The following TEX9 variants were observed in gnomAD, a reference collection of about 807,000 sequenced individuals.
TEX9 encodes the protein testis expressed 9.
TEX9 carries 74 observed loss-of-function variants against 59.6 expected under a neutral mutation model. The observed-to-expected ratio is 1.24, with a 90% CI of 1.03 to 1.51. TEX9 has a LOEUF of 1.51. Among genes scored for constraint, TEX9 ranks in the 40% most tolerant of loss-of-function variants. TEX9 has a pLI of 0.00. For synonymous variants in TEX9, 186 were observed against 152.2 expected, an observed-to-expected ratio of 1.22 and a Z score of -1.64; for missense variants, 522 against 447.8, an observed-to-expected ratio of 1.17 and a Z score of -1.49.
chr15:56,337,077 T>C (rs1170253665), intron 1 of TEX9, among the ~76,000 whole-genome samples: 1 of 152,198 alleles, frequency 6.6e-6, no homozygotes, highest in Non-Finnish European at 1.5e-5. Flanking sequence ...GGAGATAACT[T>C]ACCCTGGATT....
At chr15:56,454,256 G>T in the TEX9 span, among the ~76,000 whole-genome samples, 4 of 151,988 alleles carry the variant, frequency 2.6e-5, no homozygotes. Flanking sequence ...ATATTTATGG[G>T]GTACATGAGA....
exon 7 of TEX9, chr15:56,391,303 C>T: frequency 6.3e-7 from 1 of 1,597,246 alleles, no homozygotes; most frequent in Non-Finnish European, 8.5e-7. Context: ...CAGAGGATTT[C>T]TCAGACTTTT....
Position 56,430,161 on chromosome 15 carries a change from G to A in TEX9, c.*29+1688G>A, listed in dbSNP as rs755441515. 2.6e-5 allele frequency: 4 copies of A among 152,066 alleles called. No individual in the cohort carries two copies. The highest frequency in any genetic ancestry group is 1.9e-4 in the East Asian group (1 of 5,186). The allele number at this position is 152,066 out of a possible 1,614,324, so 9.4% of individuals were successfully genotyped here. A position where few individuals can be genotyped will look rare whatever the true frequency, so the allele number is the denominator to read the frequency against. On this transcript the variant is annotated intron_variant, in intron 12 of 12. Transcript: ENST00000352903. ...GGCATTTCTATAGCTGAAAGATGGCGATCTTATTTATATGAGTCTAGATGT... is the reference window on the plus strand; with the variant it reads ...GGCATTTCTATAGCTGAAAGATGGCAATCTTATTTATATGAGTCTAGATGT...
chr15:56,321,448 TC>T (rs2045900905), intron 1 of TEX9, among the ~76,000 whole-genome samples: 1 of 152,178 alleles, frequency 6.6e-6, no homozygotes, highest in African/African-American at 2.4e-5. Context: ...CTTCAGCAAT[TC>T]AACAACAGTT....
At chr15:56,375,732 A>G (rs1239431424) in intron 3 of TEX9, among the ~76,000 whole-genome samples, 3 of 152,150 alleles carry the variant, frequency 2.0e-5, no homozygotes, top group Non-Finnish European at 4.4e-5. Flanking sequence ...CTTATACCCA[A>G]AGGACTATAA....
At chr15:56,355,000 T>TAAAA (rs1368304605) in intron 1 of TEX9, among the ~76,000 whole-genome samples, 20 of 152,192 alleles carry the variant, frequency 1.3e-4, no homozygotes, top group Middle Eastern at 3.2e-3. Flanking sequence ...TTTACCTATT[T>TAAAA]TAAGTGTATA....
chr15:56,290,248 A>G (rs2045056981), intron 1 of TEX9, among the ~76,000 whole-genome samples: 1 of 152,098 alleles, frequency 6.6e-6, no homozygotes, highest in African/African-American at 2.4e-5. Flanking sequence ...TCATGCACTC[A>G]CATCTCTCTC....
At chr15:56,316,202 G>A (rs1424801343) in intron 1 of TEX9, among the ~76,000 whole-genome samples, 12 of 148,898 alleles carry the variant, frequency 8.1e-5, no homozygotes, top group South Asian at 2.2e-4. Flanking sequence ...AAGGAACTGC[G>A]TTCCTTTGGA....
At chr15:56,270,752 C>T (rs1159168817) in intron 1 of TEX9, among the ~76,000 whole-genome samples, 7 of 152,122 alleles carry the variant, frequency 4.6e-5, no homozygotes, top group East Asian at 1.9e-4. Context: ...CAATTTGGCA[C>T]GTTTTTGCAG....
At chr15:56,271,503 T>G (rs1000575334) in intron 1 of TEX9, among the ~76,000 whole-genome samples, 3 of 152,182 alleles carry the variant, frequency 2.0e-5, no homozygotes, top group Non-Finnish European at 4.4e-5. Context: ...TTCATCATGT[T>G]GGTCAGGCTG....
At chr15:56,316,191 T>C (rs1481752282) in intron 1 of TEX9, among the ~76,000 whole-genome samples, 1 of 145,386 alleles carries the variant, frequency 6.9e-6, no homozygotes, top group African/African-American at 2.5e-5. Flanking sequence ...CCGTTGCTGG[T>C]AAGGAACTGC....
rs1282320024 is a variant in TEX9, at chr15:56,412,293, A to C, written c.829-9A>C. 1.9e-6 allele frequency: 3 copies of C among 1,586,798 alleles called. No individual in the cohort carries two copies. The highest frequency in any genetic ancestry group is 2.6e-6 in the Non-Finnish European group (3 of 1,172,160). ...TTATAAATGTTCCATAATCTTTTTT[A>C]CTATACAGGAATTAGAAAATAAAAG... On this transcript the variant is annotated splice_polypyrimidine_tract_variant and intron_variant, in intron 9 of 12. Transcript: ENST00000352903.
chr15:56,306,257 C>A (rs1166272645), intron 1 of TEX9, among the ~76,000 whole-genome samples: 54 of 79,416 alleles, frequency 6.8e-4, no homozygotes, highest in African/African-American at 1.3e-3. Flanking sequence ...AGGTACATAG[C>A]AAAAAAAAAA....
the TEX9 span, among the ~76,000 whole-genome samples, chr15:56,459,682 T>C: frequency 6.6e-6 from 1 of 151,724 alleles, no homozygotes; most frequent in South Asian, 2.1e-4. Context: ...GAGACAAAGA[T>C]TGGAGAAGAA....
upstream of TEX9, chr15:56,365,307 C>A (rs2046881711): frequency 1.7e-6 from 2 of 1,142,922 alleles, no homozygotes; most frequent in Non-Finnish European, 2.4e-6. Flanking sequence ...AAAGGCCGAG[C>A]CCGCTGCCAG....
chr15:56,270,464 G>A (rs551139059), intron 1 of TEX9, among the ~76,000 whole-genome samples: 2 of 152,192 alleles, frequency 1.3e-5, no homozygotes, highest in African/African-American at 4.8e-5. Flanking sequence ...GACCAAGATT[G>A]CAACCCCTGC....
At chr15:56,376,485 T>C (rs2047458315) in intron 3 of TEX9, among the ~76,000 whole-genome samples, 1 of 152,208 alleles carries the variant, frequency 6.6e-6, no homozygotes, top group African/African-American at 2.4e-5. Flanking sequence ...GTAGTTTTGA[T>C]TTGCATTTCT....
intron 1 of TEX9, among the ~76,000 whole-genome samples, chr15:56,269,047 GTC>G (rs1395814615): frequency 1.3e-5 from 2 of 152,102 alleles, no homozygotes; most frequent in Non-Finnish European, 2.9e-5. Flanking sequence ...TCCTTGTTTA[GTC>G]TTGGGAGGGT....
At chr15:56,315,810 T>C (rs1173352352) in intron 1 of TEX9, among the ~76,000 whole-genome samples, 21 of 148,698 alleles carry the variant, frequency 1.4e-4, no homozygotes, top group African/African-American at 5.1e-4. Flanking sequence ...GATTTGGTCT[T>C]TTCACATAGT....
Sources: gnomAD v4.1 joint callset for allele counts (sites outside exome capture counted in the v4.1 genomes callset) on GRCh38, gnomAD v4.1.1 for gene constraint, MANE v1.5 for transcripts, NCBI Gene and HGNC (gene_info 2026-07-23, HGNC 2026-07-21) for gene names.